The following GRM5 variants were observed in gnomAD, a reference collection of about 807,000 sequenced individuals.
GRM5 encodes metabotropic glutamate receptor 5.
GRM5 carries 19 observed loss-of-function variants against 83.1 expected under a neutral mutation model. The ratio of observed to expected loss-of-function variants is 0.23; its 90% confidence interval spans 0.16 to 0.34. The LOEUF (loss-of-function observed/expected upper bound fraction) is 0.34, where lower values mean the gene tolerates loss of function less well. Ranked by LOEUF, GRM5 falls within the 10% of genes least tolerant of loss-of-function variation. The probability of loss-of-function intolerance (pLI) is 1.00; values close to 1 mark genes in which losing one functional copy is unlikely to be tolerated. For missense variants in GRM5, 1,160 were observed against 1,588.3 expected, an observed-to-expected ratio of 0.73 and a Z score of 4.58; for synonymous variants, 675 against 633.6, an observed-to-expected ratio of 1.07 and a Z score of -0.98.
Position 88,775,287 on chromosome 11 carries a change from T to G in GRM5, c.911+74619A>C, listed in dbSNP as rs1337779860. ...TATTTCTGTGGGATCAGTGGTGATATCCCCTTTATCATTTTTTATTGCATC... is the reference window on the plus strand; with the variant it reads ...TATTTCTGTGGGATCAGTGGTGATAGCCCCTTTATCATTTTTTATTGCATC... On this transcript the variant is annotated intron_variant, in intron 3 of 9. Transcript: ENST00000305447. Among the ~76,000 whole-genome samples the G allele has an allele frequency of 1.9e-4, 14 of 75,142 alleles. No individual in the cohort carries two copies. In the East Asian group the frequency reaches 4.0e-3, roughly 21 times the overall value. The allele number at this position is 75,142 out of a possible 152,430, so 49.3% of individuals were successfully genotyped here.
At chr11:88,552,012 T>C (rs1942521093) in intron 8 of GRM5, among the ~76,000 whole-genome samples, 1 of 150,098 alleles carries the variant, frequency 6.7e-6, no homozygotes, top group African/African-American at 2.5e-5. Flanking sequence ...GCTCATTTTT[T>C]CCAACTTTTA....
chr11:89,055,814 G>A (rs547900553), intron 1 of GRM5, among the ~76,000 whole-genome samples: 1 of 152,052 alleles, frequency 6.6e-6, no homozygotes, highest in East Asian at 1.9e-4. Flanking sequence ...AATATACAGA[G>A]GGCATATCAT....
intron 3 of GRM5, among the ~76,000 whole-genome samples, chr11:88,802,604 A>G (rs1943418652): frequency 6.6e-6 from 1 of 152,178 alleles, no homozygotes; most frequent in Non-Finnish European, 1.5e-5. Context: ...AATTGGAAGC[A>G]TTCCCTTTGA....
chr11:88,922,768 A>G (rs1474325730), intron 2 of GRM5, among the ~76,000 whole-genome samples: 1 of 152,188 alleles, frequency 6.6e-6, no homozygotes, highest in Non-Finnish European at 1.5e-5. Context: ...AGCAAAGGAA[A>G]TGATCAACAA....
intron 3 of GRM5, among the ~76,000 whole-genome samples, chr11:88,722,951 C>A (rs1477865273): frequency 6.8e-6 from 1 of 147,234 alleles, no homozygotes; most frequent in Non-Finnish European, 1.5e-5. Flanking sequence ...TGACATGTAT[C>A]CACCATTATA....
At chr11:89,031,354 T>C (rs1274421782) in intron 2 of GRM5, among the ~76,000 whole-genome samples, 2 of 151,980 alleles carry the variant, frequency 1.3e-5, no homozygotes, top group African/African-American at 4.8e-5. Context: ...TTTTTGATTA[T>C]TTTTGTTTTT....
chr11:89,050,771 A>G (rs373128056), intron 1 of GRM5, among the ~76,000 whole-genome samples: 1 of 152,208 alleles, frequency 6.6e-6, no homozygotes, highest in African/African-American at 2.4e-5. Flanking sequence ...GGAATACTAT[A>G]CAGCCATAAA....
At position 88,506,525 on chromosome 11, in the gene GRM5, A is replaced by G. The variant is rs1357164809; in HGVS notation, c.*2067T>C. On this transcript the variant is annotated 3_prime_UTR_variant, in exon 10 of 10. Coordinates refer to ENST00000305447, the MANE Select transcript of GRM5 (RefSeq NM_001143831.3). ...GCAGACATTTGCTTTTAATGAAACC[A>G]TGAAACTTAGCTAGATTTCACTTAC... 1.3e-5 allele frequency: 2 copies of G among 152,208 alleles called. No homozygotes were observed. Among genetic ancestry groups the G allele is most frequent in the Non-Finnish European group, 2.9e-5 (2 of 68,022 alleles). The allele number at this position is 152,208 out of a possible 1,614,324, so 9.4% of individuals were successfully genotyped here. A position where few individuals can be genotyped will look rare whatever the true frequency, so the allele number is the denominator to read the frequency against.
chr11:88,748,523 T>G (rs1003026654), intron 3 of GRM5, among the ~76,000 whole-genome samples: 3 of 152,028 alleles, frequency 2.0e-5, no homozygotes, highest in Non-Finnish European at 4.4e-5. Flanking sequence ...CTGCAGGCTG[T>G]GGAGAACATA....
At position 88,509,229 on chromosome 11, in the gene GRM5, T is replaced by C. The variant is rs199830921; in HGVS notation, c.3002A>G (p.Tyr1001Cys). 5 of 1,510,826 alleles carry C rather than the reference T, an allele frequency of 3.3e-6. No individual in the cohort carries two copies. The highest frequency in any genetic ancestry group is 2.8e-5 in the East Asian group (1 of 36,174). The allele number at this position is 1,510,826 out of a possible 1,614,324, so 93.6% of individuals were successfully genotyped here. The change falls in exon 10 of 10, where the codon TAT becomes TGT. Residue 1001 changes from tyrosine to cysteine, a missense_variant. By Grantham distance (194) the Tyr-to-Cys change is radical (BLOSUM62 -2). This residue lies in a region of GRM5 where 562 missense variants were observed against 532.4 expected (regional missense o/e 1.06). Coordinates refer to ENST00000305447, the MANE Select transcript of GRM5 (RefSeq NM_001143831.3). ...GTGCTCCTCAGCCTCGGCCACATCA[T>C]ACAGCGCCTTGGGGCCGGCGTCTGG... is the stretch of plus-strand genomic sequence containing the variant. ...ESPDAGPKAL[Y>C]DVAEAEEHFP...
chr11:88,590,574 A>T (rs1218075548), intron 7 of GRM5, 27 bp downstream of exon 7: 4 of 1,600,658 alleles, frequency 2.5e-6, no homozygotes, highest in Non-Finnish European at 3.4e-6. Flanking sequence ...CAGTTAATTT[A>T]TATGTGGTGA....
intron 2 of GRM5, among the ~76,000 whole-genome samples, chr11:88,933,943 A>T (rs187436532): frequency 6.6e-6 from 1 of 151,934 alleles, no homozygotes; most frequent in East Asian, 1.9e-4. Flanking sequence ...ATTAAAATTA[A>T]AACTTACCCT....
rs556689341 is a variant in GRM5 at position 88,871,045 on chromosome 11, C to T, written c.662-20890G>A. On this transcript the variant is annotated intron_variant, in intron 2 of 9. Transcript: ENST00000305447. The stretch of plus-strand genomic sequence containing the variant: ...AACACCACTATGTACTCCATGAATA[C>T]GTACAATTATTATTGTCAGTTAAAA... Among the ~76,000 whole-genome samples the T allele has an allele frequency of 2.2e-4, 33 of 151,510 alleles. No individual in the cohort carries two copies. The South Asian group carries it at 4.2e-3, about 19-fold the overall frequency.
intron 8 of GRM5, among the ~76,000 whole-genome samples, chr11:88,557,293 C>T (rs1228513279): frequency 6.6e-6 from 1 of 152,130 alleles, no homozygotes; most frequent in East Asian, 1.9e-4. Flanking sequence ...AAAGTAGTTG[C>T]TCATTAAGTG....
intron 1 of GRM5, among the ~76,000 whole-genome samples, chr11:89,055,067 T>A (rs1204804240): frequency 6.6e-6 from 1 of 152,216 alleles, no homozygotes; most frequent in Non-Finnish European, 1.5e-5. Context: ...GGGAGCCTAT[T>A]AGTCAAGTTA....
chr11:88,767,446 T>C (rs1396071013), intron 3 of GRM5, among the ~76,000 whole-genome samples: 1 of 151,994 alleles, frequency 6.6e-6, no homozygotes, highest in Non-Finnish European at 1.5e-5. Flanking sequence ...AATGGTCGAC[T>C]GGATAAAGAA....
At chr11:88,938,315 G>A (rs1937969321) in intron 2 of GRM5, among the ~76,000 whole-genome samples, 1 of 151,488 alleles carries the variant, frequency 6.6e-6, no homozygotes, top group African/African-American at 2.4e-5. Flanking sequence ...GTATGACTTT[G>A]ATTTTTGTGT....
intron 2 of GRM5, among the ~76,000 whole-genome samples, chr11:88,904,050 C>G (rs1227971850): frequency 2.6e-5 from 4 of 152,038 alleles, no homozygotes; most frequent in African/African-American, 4.8e-5. Context: ...ATTAAAGGGT[C>G]TCGAGATAGA....
At chr11:88,839,552 A>T (rs373166710) in intron 3 of GRM5, among the ~76,000 whole-genome samples, 8 of 152,220 alleles carry the variant, frequency 5.3e-5, no homozygotes, top group African/African-American at 1.9e-4. Context: ...TTGACACAGA[A>T]ATACAAGTGC....
Sources: gnomAD v4.1 joint callset for allele counts (sites outside exome capture counted in the v4.1 genomes callset) on GRCh38, gnomAD v4.1.1 for gene constraint, gnomAD v4.1.1 regional missense constraint, MANE v1.5 for transcripts, NCBI Gene and HGNC (gene_info 2026-07-23, HGNC 2026-07-21) for gene names.